ENTHD1: variants seen among roughly 807,000 people sequenced by gnomAD.
The protein encoded by ENTHD1 is ENTH domain-containing protein 1.
ENTHD1 carries 23 observed loss-of-function variants against 39.1 expected under a neutral mutation model. The ratio of observed to expected loss-of-function variants is 0.59; its 90% CI spans 0.42 to 0.83. ENTHD1 has a LOEUF of 0.83. ENTHD1 is among the 40% of genes least tolerant of loss of function. The pLI is 0.00. For missense variants in ENTHD1, 624 were observed against 705.4 expected, an observed-to-expected ratio of 0.88 and a Z score of 1.31; for synonymous variants, 230 against 258.2, an observed-to-expected ratio of 0.89 and a Z score of 1.05.
intron 6 of ENTHD1, among the ~76,000 whole-genome samples, chr22:39,754,100 T>G (rs1233079358): frequency 1.3e-5 from 2 of 152,168 alleles, no homozygotes; most frequent in Non-Finnish European, 2.9e-5. Flanking sequence ...AAGGACCAGA[T>G]AGCAAATATT....
intron 5 of ENTHD1, among the ~76,000 whole-genome samples, chr22:39,793,739 T>C (rs1265248470): frequency 6.6e-6 from 1 of 152,220 alleles, no homozygotes; most frequent in Non-Finnish European, 1.5e-5. Context: ...TGTATATTCT[T>C]GGCATCTTTG....
chr22:39,862,078 G>A, intron 2 of ENTHD1, 71 bp from the exon 3 acceptor site: 2 of 1,237,192 alleles, frequency 1.6e-6, no homozygotes, highest in South Asian at 3.3e-5. Flanking sequence ...TTTTTCTACA[G>A]AAATTTTTTT....
chr22:39,888,037 T>A (rs2066396339), intron 1 of ENTHD1, 134 bp from the exon 2 acceptor site: 1 of 298,962 alleles, frequency 3.3e-6, no homozygotes, highest in Non-Finnish European at 6.1e-6. Flanking sequence ...GGGTACCATA[T>A]AACTGTTCCT....
chr22:39,815,277 T>C (rs1432841904), intron 5 of ENTHD1, among the ~76,000 whole-genome samples: 68 of 152,112 alleles, frequency 4.5e-4, no homozygotes, highest in Admixed American at 4.5e-3. Context: ...ACCTCGTTTC[T>C]ATTAAAAACA....
intron 5 of ENTHD1, among the ~76,000 whole-genome samples, chr22:39,815,938 A>G (rs2146640605): frequency 6.6e-6 from 1 of 152,318 alleles, no homozygotes; most frequent in South Asian, 2.1e-4. Context: ...GAGTATAAAC[A>G]TGTAGTAAAA....
At chr22:39,776,924 T>A (rs2065369718) in intron 5 of ENTHD1, among the ~76,000 whole-genome samples, 1 of 152,216 alleles carries the variant, frequency 6.6e-6, no homozygotes. Flanking sequence ...TTGTATATTA[T>A]TTTGTATTCA....
chr22:39,785,598 T>C (rs1384863818), intron 5 of ENTHD1, among the ~76,000 whole-genome samples: 3 of 152,204 alleles, frequency 2.0e-5, no homozygotes, highest in Non-Finnish European at 2.9e-5. Context: ...GCCGTCTGTA[T>C]GGCGGGTCCA....
intron 5 of ENTHD1, among the ~76,000 whole-genome samples, chr22:39,766,094 C>A (rs2065276195): frequency 7.3e-6 from 1 of 137,832 alleles, no homozygotes; most frequent in Non-Finnish European, 1.6e-5. Context: ...AGAATGTCTT[C>A]TTCCACACAG....
chr22:39,771,472 T>TA, intron 5 of ENTHD1, among the ~76,000 whole-genome samples: 1 of 151,750 alleles, frequency 6.6e-6, no homozygotes, highest in South Asian at 2.1e-4. Flanking sequence ...GAAATCTGGT[T>TA]AAAAAACAAA....
chr22:39,786,256 A>T (rs2065456979), intron 5 of ENTHD1, among the ~76,000 whole-genome samples: 1 of 152,176 alleles, frequency 6.6e-6, no homozygotes, highest in African/African-American at 2.4e-5. Context: ...TCTTTAAGGT[A>T]TGTGACACAA....
chr22:39,806,101 A>G (rs1242722730), intron 5 of ENTHD1, among the ~76,000 whole-genome samples: 1 of 152,208 alleles, frequency 6.6e-6, no homozygotes, highest in Non-Finnish European at 1.5e-5. Flanking sequence ...GGGGAAATCA[A>G]TGCTACATCT....
At position 39,835,806 on chromosome 22, in the gene ENTHD1, T is replaced by G. The variant is rs374320739; in HGVS notation, c.711+34A>C. On this transcript the variant is annotated intron_variant, in intron 4 of 6. Coordinates refer to ENST00000325157, the MANE Select transcript of ENTHD1 (RefSeq NM_152512.4). ...TTTAAGGCACAAAACTTGCAGTGAT[T>G]TATTACAGCAGCTATAGGAAACTAT... 4.7e-6 allele frequency: 7 copies of G among 1,479,178 alleles called. No individual in the cohort carries two copies. The African/African-American group carries it at 8.4e-5, about 18-fold the overall frequency. The allele number at this position is 1,479,178 out of a possible 1,614,324, so 91.6% of individuals were successfully genotyped here.
At position 39,867,851 on chromosome 22, in the gene ENTHD1, CCT is replaced by C. The variant is rs1189988330; in HGVS notation, c.350-5846_350-5845del. On this transcript the variant is annotated intron_variant, in intron 2 of 6. Transcript: ENST00000325157. This position sits in a 1 kb window ranked among gnomAD's most constrained non-coding sequence, Gnocchi z 4.5. Reference sequence around the variant, plus strand: ...GTAAGTTCATGCTTCAAAGTATCCCCCTGTTCTATTCCAAATACACAGCAATA... The same window carrying C: ...GTAAGTTCATGCTTCAAAGTATCCCCGTTCTATTCCAAATACACAGCAATA... Among the ~76,000 whole-genome samples the C allele has an allele frequency of 2.0e-5, 3 of 152,094 alleles. No homozygotes were observed. The highest frequency in any genetic ancestry group is 2.9e-5 in the Non-Finnish European group (2 of 68,016).
intron 5 of ENTHD1, among the ~76,000 whole-genome samples, chr22:39,803,425 T>C (rs1053908132): frequency 6.6e-6 from 1 of 152,138 alleles, no homozygotes; most frequent in Non-Finnish European, 1.5e-5. Flanking sequence ...AAGCTCCTTG[T>C]TTATTTCCTT....
chr22:39,864,177 G>T (rs988159728), intron 2 of ENTHD1, among the ~76,000 whole-genome samples: 5 of 152,168 alleles, frequency 3.3e-5, no homozygotes, highest in African/African-American at 1.2e-4. Flanking sequence ...TGGTTTTGGA[G>T]GCACAAAGAA....
chr22:39,861,684 T>A (rs2066141485), intron 3 of ENTHD1, 81 bp downstream of exon 3: 1 of 1,145,996 alleles, frequency 8.7e-7, no homozygotes, highest in African/African-American at 1.6e-5. Context: ...AATAATTTAG[T>A]ACTAAAACAT....
intron 3 of ENTHD1, among the ~76,000 whole-genome samples, chr22:39,846,212 T>C (rs1010727029): frequency 6.6e-6 from 1 of 152,192 alleles, no homozygotes; most frequent in Non-Finnish European, 1.5e-5. Context: ...GGGAAAAGTT[T>C]CTTTTTGAGA....
At chr22:39,868,114 G>A (rs2066204694) in intron 2 of ENTHD1, among the ~76,000 whole-genome samples, 1 of 151,848 alleles carries the variant, frequency 6.6e-6, no homozygotes, top group African/African-American at 2.4e-5. Flanking sequence ...AAAAAAAATA[G>A]CCATCAACTG....
chr22:39,785,212 T>C (rs1328133303), intron 5 of ENTHD1, among the ~76,000 whole-genome samples: 1 of 152,194 alleles, frequency 6.6e-6, no homozygotes, highest in Non-Finnish European at 1.5e-5. Flanking sequence ...AGAGAAATGC[T>C]GATGGAGTGA....
Sources: gnomAD v4.1 joint callset for allele counts (sites outside exome capture counted in the v4.1 genomes callset) on GRCh38, gnomAD v4.1.1 for gene constraint, Gnocchi (gnomAD v3.1) non-coding constraint, MANE v1.5 for transcripts, NCBI Gene and HGNC (gene_info 2026-07-23, HGNC 2026-07-21) for gene names.